The following BBLN variants were observed in gnomAD, a reference collection of about 807,000 sequenced individuals.
BBLN encodes bublin coiled coil protein, also known as bublin coiled-coil protein.
Under a neutral mutation model 7.6 loss-of-function variants are expected in BBLN, and 6 were observed. The ratio of observed to expected loss-of-function variants is 0.79; its 90% confidence interval spans 0.43 to 1.55. The LOEUF is 1.55. BBLN is among the 40% of genes most tolerant of loss of function. BBLN has a pLI of 0.01. For synonymous variants in BBLN, 35 were observed against 46.7 expected (o/e 0.75, Z 1.02); for missense variants, 100 against 111.1 (o/e 0.90, Z 0.45).
chr9:128,160,593 G>A (rs923575272), intron 1 of BBLN, 107 bp downstream of exon 1: 2 of 815,264 alleles, frequency 2.5e-6, no homozygotes, highest in Non-Finnish European at 1.8e-6. Context: ...CACCCATTCC[G>A]CCCCGAGCGG....
chr9:128,160,632 G>A, intron 1 of BBLN, 146 bp downstream of exon 1: 1 of 637,672 alleles, frequency 1.6e-6, no homozygotes, highest in South Asian at 2.2e-5. Context: ...TGTCTCGGAT[G>A]CAGGGCGAGC....
At position 128,163,380 on chromosome 9, in the gene BBLN, G is replaced by T; in HGVS notation, c.80-63G>T. 7.1e-7 allele frequency: 1 copy of T among 1,418,210 alleles called. No homozygotes were observed. Among genetic ancestry groups the T allele is most frequent in the Middle Eastern group, 2.3e-4 (1 of 4,300 alleles). The allele number at this position is 1,418,210 out of a possible 1,614,324, so 87.9% of individuals were successfully genotyped here. A position where few individuals can be genotyped will look rare whatever the true frequency, so the allele number is the denominator to read the frequency against. On this transcript the variant is annotated intron_variant, in intron 1 of 1. Transcript: ENST00000372994. The surrounding 1 kb of genome is among the most constrained non-coding windows in gnomAD (Gnocchi z 5.7). ...GAAGCAGGCTGGGAAACAGTGGAGGGAGGGTGTCCATTAGCCCCAAGGAGA... is the reference window on the plus strand; with the variant it reads ...GAAGCAGGCTGGGAAACAGTGGAGGTAGGGTGTCCATTAGCCCCAAGGAGA...
At chr9:128,161,568 C>G (rs1228015721) in intron 1 of BBLN, among the ~76,000 whole-genome samples, 1 of 152,140 alleles carries the variant, frequency 6.6e-6, no homozygotes, top group Non-Finnish European at 1.5e-5. Flanking sequence ...AGCCTGTATC[C>G]CAGGACACAG....
Position 128,160,285 on chromosome 9 carries a change from C to T in BBLN, c.-123C>T, listed in dbSNP as rs1188587975. On this transcript the variant is annotated 5_prime_UTR_variant, in exon 1 of 2. Transcript: ENST00000372994. ...CCGGCCTCTGGGCGGAGATCTGCTG[C>T]CGCGTTCTACCCTTCCGGCCCGTGT... 5 of 482,362 alleles carry T rather than the reference C, an allele frequency of 1.0e-5. No individual in the cohort carries two copies. The highest frequency in any genetic ancestry group is 7.1e-5 in the East Asian group (2 of 28,350). The allele number at this position is 482,362 out of a possible 1,614,324, so 29.9% of individuals were successfully genotyped here.
Position 128,160,377 on chromosome 9 carries a change from T to C in BBLN, c.-31T>C, listed in dbSNP as rs1829241410. 1 of 1,229,486 alleles carries C rather than the reference T, an allele frequency of 8.1e-7. No homozygotes were observed. The highest frequency in any genetic ancestry group is 1.0e-6 in the Non-Finnish European group (1 of 975,676). The allele number at this position is 1,229,486 out of a possible 1,614,324, so 76.2% of individuals were successfully genotyped here. On this transcript the variant is annotated 5_prime_UTR_variant, in exon 1 of 2. Coordinates refer to ENST00000372994, the MANE Select transcript of BBLN (RefSeq NM_024112.4). ...GCGCGACGGTCGCCGCGTTCCATCG[T>C]CGCGCGGCCCTTCGGGCGCCCGAGC...
In BBLN at chr9:128,163,407, A is replaced by G. The variant is rs771288916; in HGVS notation, c.80-36A>G. ...GGGTGTCCATTAGCCCCAAGGAGAC[A>G]CAGGATCTGGGCTCTGTCTTTCGCC... On this transcript the variant is annotated intron_variant, in intron 1 of 1. Coordinates refer to ENST00000372994, the MANE Select transcript of BBLN (RefSeq NM_024112.4). This position sits in a 1 kb window ranked among gnomAD's most constrained non-coding sequence, Gnocchi z 5.7. 1 of 1,488,768 alleles carries G rather than the reference A, an allele frequency of 6.7e-7. No individual in the cohort carries two copies. Among genetic ancestry groups the G allele is most frequent in the East Asian group, 2.5e-5 (1 of 40,482 alleles). 92.2% of individuals were successfully genotyped at this position (1,488,768 alleles called of 1,614,324 possible). A position where few individuals can be genotyped will look rare whatever the true frequency, so the allele number is the denominator to read the frequency against.
chr9:128,162,570 G>A (rs1588091247), intron 1 of BBLN: 1 of 152,498 alleles, frequency 6.6e-6, no homozygotes, highest in Non-Finnish European at 1.5e-5. Context: ...AGGGATAGTT[G>A]AGCAATGGCG....
At position 128,163,453 on chromosome 9, in the gene BBLN, C is replaced by T. The variant is rs1341418622; in HGVS notation, c.90C>T (p.Ala30=). The part of the protein sequence containing the change: ...EDGFGEAEYA[A]INSMLDQINS... ...TCGCCTTCCTCCCAGAATACGCTGCCATCAACTCCATGCTGGACCAGATCA... is the reference window on the plus strand; with the variant it reads ...TCGCCTTCCTCCCAGAATACGCTGCTATCAACTCCATGCTGGACCAGATCA... Residue 30 remains alanine (A), a synonymous_variant, in exon 2 of 2, where the codon GCC becomes GCT. Transcript: ENST00000372994. The surrounding 1 kb of genome is among the most constrained non-coding windows in gnomAD (Gnocchi z 5.7). 2.6e-6 allele frequency: 4 copies of T among 1,564,580 alleles called. No homozygotes were observed. The highest frequency in any genetic ancestry group is 3.5e-6 in the Non-Finnish European group (4 of 1,151,642).
At position 128,163,426 on chromosome 9, in the gene BBLN, T is replaced by G; in HGVS notation, c.80-17T>G. ...GGAGACACAGGATCTGGGCTCTGTC[T>G]TTCGCCTTCCTCCCAGAATACGCTG... On this transcript the variant is annotated splice_polypyrimidine_tract_variant and intron_variant, in intron 1 of 1. Transcript: ENST00000372994. The surrounding 1 kb of genome is among the most constrained non-coding windows in gnomAD (Gnocchi z 5.7). 6.5e-7 allele frequency: 1 copy of G among 1,528,918 alleles called. No homozygotes were observed. The highest frequency in any genetic ancestry group is 8.8e-7 in the Non-Finnish European group (1 of 1,133,022). 94.7% of individuals were successfully genotyped at this position (1,528,918 alleles called of 1,614,324 possible).
chr9:128,160,502 TG>T lies in BBLN; in HGVS notation c.79+17del. 1 of 1,281,310 alleles carries T rather than the reference TG, an allele frequency of 7.8e-7. No individual in the cohort carries two copies. The highest frequency in any genetic ancestry group is 1.0e-6 in the Non-Finnish European group (1 of 1,003,588). The allele number at this position is 1,281,310 out of a possible 1,614,324, so 79.4% of individuals were successfully genotyped here. On this transcript the variant is annotated intron_variant, in intron 1 of 1. Coordinates refer to ENST00000372994, the MANE Select transcript of BBLN (RefSeq NM_024112.4). ...GGGGAAGCAGGTGACCCGAGGGGGC[TG>T]CTGGAGCAACCTTGCATTTTCAGGG...
intron 1 of BBLN, among the ~76,000 whole-genome samples, chr9:128,161,539 C>T (rs1185482499): frequency 1.3e-5 from 2 of 152,202 alleles, no homozygotes; most frequent in Non-Finnish European, 2.9e-5. Context: ...GGGCACCTGC[C>T]TCCCCAATTC....
In BBLN at chr9:128,160,289, G is replaced by C; in HGVS notation, c.-119G>C. 2.0e-6 allele frequency: 1 copy of C among 503,046 alleles called. No homozygotes were observed. 31.2% of individuals were successfully genotyped at this position (503,046 alleles called of 1,614,324 possible). ...CCTCTGGGCGGAGATCTGCTGCCGCGTTCTACCCTTCCGGCCCGTGTTCTA... is the reference window on the plus strand; with the variant it reads ...CCTCTGGGCGGAGATCTGCTGCCGCCTTCTACCCTTCCGGCCCGTGTTCTA... On this transcript the variant is annotated 5_prime_UTR_variant, in exon 1 of 2. Transcript: ENST00000372994.
In BBLN at chr9:128,163,632, A is replaced by C. The variant is rs73672436; in HGVS notation, c.*17A>C. 13,855 of 1,474,242 alleles carry C rather than the reference A, an allele frequency of 9.4e-3. 1,034 individuals are homozygous for C. The African/African-American group carries it at 0.17, about 18-fold the overall frequency. The allele number at this position is 1,474,242 out of a possible 1,614,324, so 91.3% of individuals were successfully genotyped here. A position where few individuals can be genotyped will look rare whatever the true frequency, so the allele number is the denominator to read the frequency against. ...AGCCCCTAGGCTCCAAGAGCCCCCA[A>C]CCGGGACCCAACCCTGCCTCCCTGG... On this transcript the variant is annotated 3_prime_UTR_variant, in exon 2 of 2. Transcript: ENST00000372994. The surrounding 1 kb of genome is among the most constrained non-coding windows in gnomAD (Gnocchi z 5.7).
At position 128,163,434 on chromosome 9, in the gene BBLN, T is replaced by G; in HGVS notation, c.80-9T>G. ...AGGATCTGGGCTCTGTCTTTCGCCT[T>G]CCTCCCAGAATACGCTGCCATCAAC... On this transcript the variant is annotated splice_polypyrimidine_tract_variant and intron_variant, in intron 1 of 1. Coordinates refer to ENST00000372994, the MANE Select transcript of BBLN (RefSeq NM_024112.4). This position sits in a 1 kb window ranked among gnomAD's most constrained non-coding sequence, Gnocchi z 5.7. 1 of 1,535,372 alleles carries G rather than the reference T, an allele frequency of 6.5e-7. No individual in the cohort carries two copies. Among genetic ancestry groups the G allele is most frequent in the African/African-American group, 1.4e-5 (1 of 72,566 alleles).
intron 1 of BBLN, among the ~76,000 whole-genome samples, chr9:128,160,879 C>T (rs1829247018): frequency 6.6e-6 from 1 of 152,218 alleles, no homozygotes; most frequent in African/African-American, 2.4e-5. Context: ...TCAGCATCCC[C>T]AGCCACCCGG....
At position 128,163,862 on chromosome 9, in the gene BBLN, A is replaced by T; in HGVS notation, c.*247A>T. ...AACCCACCCACTTGCCTGCCCACCC[A>T]ACTCCTGGGCGCTCCCCACTCTGCC... On this transcript the variant is annotated 3_prime_UTR_variant, in exon 2 of 2. Coordinates refer to ENST00000372994, the MANE Select transcript of BBLN (RefSeq NM_024112.4). This position sits in a 1 kb window ranked among gnomAD's most constrained non-coding sequence, Gnocchi z 5.7. 1 of 481,472 alleles carries T rather than the reference A, an allele frequency of 2.1e-6. No homozygotes were observed. The highest frequency in any genetic ancestry group is 3.7e-6 in the Non-Finnish European group (1 of 271,668). The allele number at this position is 481,472 out of a possible 1,614,324, so 29.8% of individuals were successfully genotyped here.
In BBLN at chr9:128,160,495, A is replaced by G; in HGVS notation, c.79+9A>G. On this transcript the variant is annotated intron_variant, in intron 1 of 1. Transcript: ENST00000372994. Reference sequence around the variant, plus strand: ...CGGCTTCGGGGAAGCAGGTGACCCGAGGGGGCTGCTGGAGCAACCTTGCAT... The same window carrying G: ...CGGCTTCGGGGAAGCAGGTGACCCGGGGGGGCTGCTGGAGCAACCTTGCAT... 2 of 1,280,650 alleles carry G rather than the reference A, an allele frequency of 1.6e-6. No individual in the cohort carries two copies. The highest frequency in any genetic ancestry group is 2.0e-6 in the Non-Finnish European group (2 of 1,004,786). The allele number at this position is 1,280,650 out of a possible 1,614,324, so 79.3% of individuals were successfully genotyped here. A position where few individuals can be genotyped will look rare whatever the true frequency, so the allele number is the denominator to read the frequency against.
intron 1 of BBLN, among the ~76,000 whole-genome samples, chr9:128,160,993 C>T (rs1829248665): frequency 6.6e-6 from 1 of 150,824 alleles, no homozygotes; most frequent in Non-Finnish European, 1.5e-5. Context: ...GAACCATCGG[C>T]TCCCTTCTCA....
At position 128,160,457 on chromosome 9, in the gene BBLN, A is replaced by T. The variant is rs1213511505; in HGVS notation, c.50A>T (p.Glu17Val). The change falls in exon 1 of 2, where the codon GAA becomes GTA. Residue 17 changes from glutamate to valine, a missense_variant. Transcript: ENST00000372994. ...DLGMPVEAGA[E>V]GEEDGFGEAE... Reference sequence around the variant, plus strand: ...GGGATGCCGGTGGAGGCGGGAGCGGAAGGCGAGGAGGACGGCTTCGGGGAA... The same window carrying T: ...GGGATGCCGGTGGAGGCGGGAGCGGTAGGCGAGGAGGACGGCTTCGGGGAA... The T allele has an allele frequency of 2.4e-6, 3 of 1,265,148 alleles. No individual in the cohort carries two copies. The highest frequency in any genetic ancestry group is 3.0e-6 in the Non-Finnish European group (3 of 996,946). 78.4% of individuals were successfully genotyped at this position (1,265,148 alleles called of 1,614,324 possible).
Sources: allele counts gnomAD v4.1 joint callset (sites outside exome capture counted in the v4.1 genomes callset), GRCh38; gene constraint gnomAD v4.1.1; non-coding constraint Gnocchi (gnomAD v3.1); transcripts MANE v1.5; gene names NCBI Gene and HGNC (gene_info 2026-07-23, HGNC 2026-07-21).